The following TMC1 variants were observed in gnomAD, a reference collection of about 807,000 sequenced individuals.
TMC1 encodes transmembrane channel-like protein 1.
Under a neutral mutation model 105.8 loss-of-function variants are expected in TMC1, and 84 were observed. That is an observed-to-expected ratio of 0.79 (90% CI 0.67 to 0.95). The LOEUF is 0.95. Ranked by LOEUF, TMC1 falls within the 40% of genes least tolerant of loss-of-function variation. The pLI is 0.00. For synonymous variants in TMC1, 315 were observed against 311.5 expected, an observed-to-expected ratio of 1.01 and a Z score of -0.12; for missense variants, 817 against 914.1, an observed-to-expected ratio of 0.89 and a Z score of 1.37.
At chr9:72,577,734 C>T (rs1252087298) in intron 1 of TMC1, 168 bp from the exon 2 acceptor site, 1 of 151,932 alleles carries the variant, frequency 6.6e-6, no homozygotes, top group Non-Finnish European at 1.5e-5. Flanking sequence ...AATATATTTA[C>T]AAGCTGGAGT....
chr9:72,743,346 G>A (rs966603300), intron 10 of TMC1, among the ~76,000 whole-genome samples: 12 of 145,716 alleles, frequency 8.2e-5, no homozygotes, highest in Non-Finnish European at 1.7e-4. Flanking sequence ...CAGCCTGGGC[G>A]ACAGAGCGAG....
At chr9:72,606,138 C>T (rs904917186) in intron 2 of TMC1, among the ~76,000 whole-genome samples, 1 of 152,154 alleles carries the variant, frequency 6.6e-6, no homozygotes, top group Admixed American at 6.6e-5. Flanking sequence ...GGGCTGCAAT[C>T]TCATCTGATG....
rs1823536803 is a variant in TMC1 at position 72,533,895 on chromosome 9, G to A, written c.-428+11982G>A. ...CGCTTGTAATCCCAGCACTTTGGGA[G>A]GCCGAGGGAGGTGGATCACTTGAGG... On this transcript the variant is annotated intron_variant, in intron 1 of 23. Coordinates refer to ENST00000297784, the MANE Select transcript of TMC1 (RefSeq NM_138691.3). Among the ~76,000 whole-genome samples, 2 of 152,134 alleles carry A rather than the reference G, an allele frequency of 1.3e-5. 1 individual carries two copies. The highest frequency in any genetic ancestry group is 2.9e-5 in the Non-Finnish European group (2 of 68,038).
At chr9:72,523,728 G>C (rs564378779) in intron 1 of TMC1, among the ~76,000 whole-genome samples, 4 of 151,970 alleles carry the variant, frequency 2.6e-5, no homozygotes, top group African/African-American at 7.3e-5. Context: ...AGGCACACTC[G>C]GGGTAGCTTT....
intron 17 of TMC1, among the ~76,000 whole-genome samples, chr9:72,798,612 A>G (rs1157962141): frequency 1.3e-5 from 2 of 152,102 alleles, no homozygotes; most frequent in Non-Finnish European, 2.9e-5. Context: ...GCATGTTCTT[A>G]CTTATATGGG....
At chr9:72,744,131 C>T (rs1358862832) in intron 10 of TMC1, among the ~76,000 whole-genome samples, 6 of 152,182 alleles carry the variant, frequency 3.9e-5, no homozygotes, top group Non-Finnish European at 7.3e-5. Flanking sequence ...TATTAAGTGG[C>T]AATGAATTAA....
chr9:72,820,109 A>G (rs1362807826), intron 19 of TMC1, among the ~76,000 whole-genome samples: 1 of 152,182 alleles, frequency 6.6e-6, no homozygotes, highest in Non-Finnish European at 1.5e-5. Context: ...AGATAAACTA[A>G]ATTTAAATAA....
chr9:72,697,561 A>G (rs940784507), intron 7 of TMC1, among the ~76,000 whole-genome samples: 2 of 152,266 alleles, frequency 1.3e-5, no homozygotes, highest in Admixed American at 6.5e-5. Context: ...GAACTTATAA[A>G]CTATTTAATT....
intron 1 of TMC1, among the ~76,000 whole-genome samples, chr9:72,536,483 C>G (rs1334343208): frequency 6.6e-6 from 1 of 152,132 alleles, no homozygotes; most frequent in Non-Finnish European, 1.5e-5. Context: ...CAGGCAGCTG[C>G]CACCATGCCT....
chr9:72,816,160 C>T lies in TMC1; in HGVS notation c.1713C>T (p.Phe571=), dbSNP rs34532421. ...LEYGYPSYTE[F]DISGNVLALI... ...TCCTCTAGCCTTCATACACCGAATTCGACATCAGTGGCAACGTCCTCGCTC... is the reference window on the plus strand; with the variant it reads ...TCCTCTAGCCTTCATACACCGAATTTGACATCAGTGGCAACGTCCTCGCTC... The change falls in exon 19 of 24, where the codon TTC becomes TTT. Residue 571 remains phenylalanine (F), a synonymous_variant. Coordinates refer to ENST00000297784, the MANE Select transcript of TMC1 (RefSeq NM_138691.3). 179,449 of 1,612,570 alleles carry T rather than the reference C, an allele frequency of 0.11. 11,186 individuals carry two copies. The highest frequency in any genetic ancestry group is 0.13 in the Non-Finnish European group (153,172 of 1,178,728).
rs149745233 is a variant in TMC1 at position 72,597,744 on chromosome 9, G to A, written c.-305-18624G>A. On this transcript the variant is annotated intron_variant, in intron 2 of 23. Coordinates refer to ENST00000297784, the MANE Select transcript of TMC1 (RefSeq NM_138691.3). ...GGAGAATAATAACAATAACAACCGC[G>A]TACTAATACAACCCAGATGTCAGCA... 4.4e-3 allele frequency among the ~76,000 whole-genome samples: 667 copies of A among 152,266 alleles called. 3 individuals are homozygous for A. Among genetic ancestry groups the A allele is most frequent in the Non-Finnish European group, 7.0e-3 (473 of 68,026 alleles).
intron 5 of TMC1, among the ~76,000 whole-genome samples, chr9:72,654,120 T>C (rs1353628620): frequency 2.0e-5 from 3 of 152,190 alleles, no homozygotes; most frequent in Non-Finnish European, 4.4e-5. Flanking sequence ...GTTGTGAATG[T>C]TTGGATTGGA....
intron 17 of TMC1, among the ~76,000 whole-genome samples, chr9:72,803,518 A>C (rs2118232817): frequency 6.6e-6 from 1 of 152,344 alleles, no homozygotes; most frequent in South Asian, 2.1e-4. Context: ...TCTACAAAGA[A>C]CTTAAACAAA....
intron 12 of TMC1, among the ~76,000 whole-genome samples, chr9:72,766,573 T>C (rs1827842267): frequency 6.6e-6 from 1 of 151,960 alleles, no homozygotes; most frequent in African/African-American, 2.4e-5. Context: ...AAAGTGGAAG[T>C]GGGGCAGCAG....
chr9:72,554,116 T>C (rs925565142), intron 1 of TMC1, among the ~76,000 whole-genome samples: 26 of 152,204 alleles, frequency 1.7e-4, no homozygotes, highest in Admixed American at 1.0e-3. Flanking sequence ...TTATAAGCAT[T>C]AGTGCCTTTT....
In TMC1 at chr9:72,526,122, G is replaced by A. The variant is rs137963139; in HGVS notation, c.-428+4209G>A. On this transcript the variant is annotated intron_variant, in intron 1 of 23. Transcript: ENST00000297784. ...TGGGGGCTGGGGGCGTGGGGTGTAA[G>A]TGTGTGTGTCCTCTAGAAGAAGACA... 3.0e-3 allele frequency among the ~76,000 whole-genome samples: 457 copies of A among 152,322 alleles called. 2 individuals are homozygous for A. Among genetic ancestry groups the A allele is most frequent in the Non-Finnish European group, 5.4e-3 (368 of 68,028 alleles).
At chr9:72,806,112 T>TAGGGGCGGCCGGGC (rs1828572712) in intron 18 of TMC1, among the ~76,000 whole-genome samples, 1 of 143,606 alleles carries the variant, frequency 7.0e-6, no homozygotes, top group Non-Finnish European at 1.5e-5. Flanking sequence ...CACTTCCCAG[T>TAGGGGCGGCCGGGC]AGGGGCGGCC....
rs73650833 is a variant in TMC1 at position 72,686,851 on chromosome 9, A to G, written c.17-1858A>G. Among the ~76,000 whole-genome samples, 346 of 152,288 alleles carry G rather than the reference A, an allele frequency of 2.3e-3. 3 individuals are homozygous for G. Among genetic ancestry groups the G allele is most frequent in the African/African-American group, 8.0e-3 (334 of 41,570 alleles). On this transcript the variant is annotated intron_variant, in intron 5 of 23. Coordinates refer to ENST00000297784, the MANE Select transcript of TMC1 (RefSeq NM_138691.3). ...CACTGAGAAATTGCAGCTCTGTTTT[A>G]GTTCTCTACTTGCCACCACAGGGAA...
chr9:72,637,083 T>C (rs1025029092), intron 4 of TMC1, among the ~76,000 whole-genome samples: 1 of 151,386 alleles, frequency 6.6e-6, no homozygotes, highest in Non-Finnish European at 1.5e-5. Context: ...TGAGAATAAA[T>C]GTGGAGGAGA....
Sources: gnomAD v4.1 joint callset for allele counts (sites outside exome capture counted in the v4.1 genomes callset) on GRCh38, gnomAD v4.1.1 for gene constraint, MANE v1.5 for transcripts, NCBI Gene and HGNC (gene_info 2026-07-23, HGNC 2026-07-21) for gene names.